The following SLC26A7 variants were observed in gnomAD, a reference collection of about 807,000 sequenced individuals.
SLC26A7 encodes the protein anion exchange transporter.
A neutral mutation model predicts 82.5 loss-of-function variants in SLC26A7; 59 were observed. The ratio of observed to expected loss-of-function variants is 0.72; its 90% CI spans 0.58 to 0.89. The LOEUF is 0.89. SLC26A7 is among the 40% of genes least tolerant of loss of function. The pLI is 0.00. For missense variants in SLC26A7, 820 were observed against 793.0 expected (o/e 1.03, Z -0.41); for synonymous variants, 271 against 274.3 (o/e 0.99, Z 0.12).
At chr8:91,232,296 A>C (rs1030662071) in intron 2 of SLC26A7, among the ~76,000 whole-genome samples, 1 of 152,178 alleles carries the variant, frequency 6.6e-6, no homozygotes, top group Non-Finnish European at 1.5e-5. Context: ...CTGTATTATG[A>C]ATGAGAATTC....
chr8:91,247,084 G>A (rs372492674), upstream of SLC26A7, among the ~76,000 whole-genome samples: 1 of 152,166 alleles, frequency 6.6e-6, no homozygotes, highest in South Asian at 2.1e-4. Context: ...GGGGAGCAGA[G>A]AAGGACTGCA....
intron 15 of SLC26A7, among the ~76,000 whole-genome samples, chr8:91,376,993 A>C (rs1020696663): frequency 6.6e-5 from 10 of 152,042 alleles, no homozygotes; most frequent in Admixed American, 3.3e-4. Flanking sequence ...CTCCCACTAA[A>C]ACCAACTCAG....
chr8:91,391,198 T>G (rs114470972), intron 16 of SLC26A7, among the ~76,000 whole-genome samples: 104 of 152,300 alleles, frequency 6.8e-4, no homozygotes, highest in African/African-American at 2.5e-3. Flanking sequence ...CCTGTGAAGA[T>G]ACGGGTGGGA....
intron 2 of SLC26A7, among the ~76,000 whole-genome samples, chr8:91,220,876 G>A (rs1192841314): frequency 2.0e-5 from 3 of 152,156 alleles, no homozygotes; most frequent in Admixed American, 6.5e-5. Context: ...CCAGTAATGG[G>A]ATTGCTGGGT....
chr8:91,307,389 G>T (rs1391152048), intron 4 of SLC26A7, among the ~76,000 whole-genome samples: 3 of 140,212 alleles, frequency 2.1e-5, no homozygotes, highest in African/African-American at 8.1e-5. Flanking sequence ...GCAAAGACTT[G>T]GAACCAACCC....
intron 9 of SLC26A7, chr8:91,348,234 C>G (rs1813619657): frequency 3.1e-6 from 2 of 651,460 alleles, no homozygotes; most frequent in South Asian, 1.4e-4. Flanking sequence ...TATCTAATGT[C>G]ATCTCTCTCT....
intron 4 of SLC26A7, among the ~76,000 whole-genome samples, chr8:91,314,437 AGTGT>A (rs1812574448): frequency 6.6e-6 from 1 of 152,168 alleles, no homozygotes; most frequent in Non-Finnish European, 1.5e-5. Context: ...TCCTAATGTC[AGTGT>A]GAATTAGCTA....
intron 2 of SLC26A7, among the ~76,000 whole-genome samples, chr8:91,268,545 T>C (rs1345427336): frequency 6.6e-6 from 1 of 151,796 alleles, no homozygotes; most frequent in Non-Finnish European, 1.5e-5. Flanking sequence ...AGTGGGTTTT[T>C]TGTAGGCAGG....
intron 11 of SLC26A7, among the ~76,000 whole-genome samples, chr8:91,355,796 A>G (rs959935932): frequency 6.6e-6 from 1 of 152,024 alleles, no homozygotes; most frequent in African/African-American, 2.4e-5. Context: ...TTACATATGT[A>G]TACATGTGCC....
intron 1 of SLC26A7, among the ~76,000 whole-genome samples, chr8:91,216,633 G>A (rs1414809187): frequency 6.6e-6 from 1 of 152,096 alleles, no homozygotes; most frequent in Non-Finnish European, 1.5e-5. Flanking sequence ...CGGTTGTCTA[G>A]TATATGGAAA....
At chr8:91,362,113 G>C (rs1814066249) in intron 11 of SLC26A7, among the ~76,000 whole-genome samples, 1 of 151,984 alleles carries the variant, frequency 6.6e-6, no homozygotes, top group African/African-American at 2.4e-5. Flanking sequence ...TTGAACTAAG[G>C]GTTGGCAGTG....
intron 2 of SLC26A7, among the ~76,000 whole-genome samples, chr8:91,262,219 T>C (rs2130718245): frequency 6.6e-6 from 1 of 152,128 alleles, no homozygotes; most frequent in South Asian, 2.1e-4. Context: ...CTAAGACATA[T>C]AAACTCAGCC....
intron 4 of SLC26A7, among the ~76,000 whole-genome samples, chr8:91,313,054 C>T (rs1328888883): frequency 1.3e-5 from 2 of 152,104 alleles, no homozygotes; most frequent in Non-Finnish European, 2.9e-5. Context: ...TTAAAAATAG[C>T]ACTGCCTAAT....
At position 91,351,812 on chromosome 8, in the gene SLC26A7, G is replaced by A. The variant is rs1402017216; in HGVS notation, c.1143G>A (p.Val381=). The part of the protein sequence containing the change: ...GLYSTGAKTQ[V]ACLISCIFVL... Reference sequence around the variant, plus strand: ...TTTGTCTGTCTTGTATTTTACAGGTGGCTTGTCTAATATCTTGCATTTTCG... The same window carrying A: ...TTTGTCTGTCTTGTATTTTACAGGTAGCTTGTCTAATATCTTGCATTTTCG... The change falls in exon 10 of 19, where the codon GTG becomes GTA. Residue 381 remains valine, a splice_region_variant and synonymous_variant. Transcript: ENST00000276609. 2 of 1,607,594 alleles carry A rather than the reference G, an allele frequency of 1.2e-6. No individual in the cohort carries two copies. Among genetic ancestry groups the A allele is most frequent in the Admixed American group, 3.3e-5 (2 of 59,868 alleles).
chr8:91,221,873 T>A (rs1243687924), intron 2 of SLC26A7, among the ~76,000 whole-genome samples: 1 of 151,270 alleles, frequency 6.6e-6, no homozygotes, highest in East Asian at 2.0e-4. Context: ...TGATTCCATA[T>A]GAAATTTAAA....
intron 15 of SLC26A7, among the ~76,000 whole-genome samples, chr8:91,376,097 T>C (rs1029912851): frequency 1.3e-5 from 2 of 152,190 alleles, no homozygotes; most frequent in Admixed American, 6.5e-5. Flanking sequence ...TTGGCTTTTA[T>C]AAAAATATAG....
chr8:91,301,162 C>T (rs1486082418), intron 4 of SLC26A7, among the ~76,000 whole-genome samples: 2 of 152,096 alleles, frequency 1.3e-5, no homozygotes, highest in South Asian at 2.1e-4. Context: ...TAGTATTTTG[C>T]ATCATTTTTC....
At chr8:91,313,024 C>T (rs1257885956) in intron 4 of SLC26A7, among the ~76,000 whole-genome samples, 2 of 152,142 alleles carry the variant, frequency 1.3e-5, no homozygotes, top group South Asian at 2.1e-4. Context: ...GTTTTTGGTG[C>T]CCATGCTTTT....
At chr8:91,307,067 A>G (rs1290155542) in intron 4 of SLC26A7, among the ~76,000 whole-genome samples, 1 of 137,832 alleles carries the variant, frequency 7.3e-6, no homozygotes, top group Non-Finnish European at 1.5e-5. Flanking sequence ...ATCACTGGCC[A>G]TCAGAGAAAT....
Sources: allele counts gnomAD v4.1 joint callset (sites outside exome capture counted in the v4.1 genomes callset), GRCh38; gene constraint gnomAD v4.1.1; transcripts MANE v1.5; gene names NCBI Gene and HGNC (gene_info 2026-07-23, HGNC 2026-07-21).